Variants in HAO1 observed in about 807,000 individuals in gnomAD.
HAO1 encodes hydroxyacid oxidase 1.
Under a neutral mutation model 39.7 loss-of-function variants are expected in HAO1, and 34 were observed. That is an observed-to-expected ratio of 0.86 (90% CI 0.65 to 1.14). The LOEUF (loss-of-function observed/expected upper bound fraction) is 1.14, where lower values mean the gene tolerates loss of function less well. HAO1 is among the 50% of genes most tolerant of loss of function. The probability of loss-of-function intolerance (pLI) is 0.00; values close to 1 mark genes in which losing one functional copy is unlikely to be tolerated. For missense variants in HAO1, 479 were observed against 464.5 expected (o/e 1.03, Z -0.29); for synonymous variants, 172 against 173.2 (o/e 0.99, Z 0.05).
chr20:7,936,313 G>A (rs1197120531), intron 1 of HAO1, among the ~76,000 whole-genome samples: 2 of 152,114 alleles, frequency 1.3e-5, no homozygotes, highest in African/African-American at 4.8e-5. Context: ...CCATTTTGAA[G>A]GGGGAGAAGC....
At chr20:7,908,467 A>G (rs1312960646) in intron 3 of HAO1, among the ~76,000 whole-genome samples, 3 of 152,006 alleles carry the variant, frequency 2.0e-5, no homozygotes, top group Admixed American at 6.6e-5. Flanking sequence ...TTTAACAATC[A>G]TGACTTCCTT....
chr20:7,908,250 G>A lies in HAO1; in HGVS notation c.546-1921C>T, dbSNP rs561133155. On this transcript the variant is annotated intron_variant, in intron 3 of 7. Transcript: ENST00000378789. Reference sequence around the variant, plus strand: ...ACTAAAAATTCAAAAAAATTAGCCGGACATAGTGGTGGGCACGTGTAATCT... The same window carrying A: ...ACTAAAAATTCAAAAAAATTAGCCGAACATAGTGGTGGGCACGTGTAATCT... Among the ~76,000 whole-genome samples the A allele has an allele frequency of 2.6e-5, 4 of 152,094 alleles. No individual in the cohort carries two copies. In the South Asian group the frequency reaches 8.3e-4, roughly 32 times the overall value.
chr20:7,929,200 C>A (rs150543343), intron 2 of HAO1, among the ~76,000 whole-genome samples: 1,987 of 151,958 alleles, frequency 0.013, 39 homozygotes, highest in African/African-American at 0.043. Flanking sequence ...AAATATTTTT[C>A]ACAAAGAAAA....
intron 3 of HAO1, among the ~76,000 whole-genome samples, chr20:7,910,631 T>G (rs1242355407): frequency 1.3e-5 from 2 of 152,124 alleles, no homozygotes; most frequent in Non-Finnish European, 2.9e-5. Flanking sequence ...TGCTTCCCTC[T>G]TATAAGGACC....
chr20:7,901,585 A>C (rs1246004171), intron 4 of HAO1, among the ~76,000 whole-genome samples: 1 of 152,192 alleles, frequency 6.6e-6, no homozygotes, highest in Non-Finnish European at 1.5e-5. Flanking sequence ...GCACCTAGTG[A>C]CTCAAGAGCT....
chr20:7,885,429 A>G, intron 7 of HAO1, 92 bp downstream of exon 7: 1 of 831,838 alleles, frequency 1.2e-6, no homozygotes, highest in Admixed American at 1.9e-5. Context: ...ATGATCCCAC[A>G]CTCTTCCCTT....
At chr20:7,892,687 T>C (rs2050179695) in intron 5 of HAO1, among the ~76,000 whole-genome samples, 1 of 152,106 alleles carries the variant, frequency 6.6e-6, no homozygotes, top group South Asian at 2.1e-4. Flanking sequence ...AGGGAAAATA[T>C]TTATATAAGA....
intron 2 of HAO1, among the ~76,000 whole-genome samples, chr20:7,929,164 A>G (rs1294423475): frequency 2.0e-5 from 3 of 151,960 alleles, no homozygotes; most frequent in Non-Finnish European, 2.9e-5. Flanking sequence ...TTTTTCCCTG[A>G]GGTTTCTGCA....
intron 2 of HAO1, among the ~76,000 whole-genome samples, chr20:7,921,534 G>C (rs576191135): frequency 2.2e-4 from 33 of 152,146 alleles, no homozygotes; most frequent in African/African-American, 7.9e-4. Flanking sequence ...CCACTATAGA[G>C]AGCAGTTTGG....
rs551647310 is a variant in HAO1 at position 7,913,173 on chromosome 20, T to G, written c.545+991A>C. On this transcript the variant is annotated intron_variant, in intron 3 of 7. Coordinates refer to ENST00000378789, the MANE Select transcript of HAO1 (RefSeq NM_017545.3). ...ATTTTGCTAGCCCTAGTTTTTTGTT[T>G]TTTTTTTTTTTTCCAAATACAATTC... is the stretch of plus-strand genomic sequence containing the variant. Among the ~76,000 whole-genome samples, 56 of 150,976 alleles carry G rather than the reference T, an allele frequency of 3.7e-4. No individual in the cohort carries two copies. The South Asian group carries it at 8.6e-3, about 23-fold the overall frequency.
At position 7,903,784 on chromosome 20, in the gene HAO1, G is replaced by A. The variant is rs145902486; in HGVS notation, c.721+2370C>T. 4.9e-3 allele frequency among the ~76,000 whole-genome samples: 736 copies of A among 149,914 alleles called. 5 individuals are homozygous for A. Among genetic ancestry groups the A allele is most frequent in the African/African-American group, 0.017 (695 of 40,554 alleles). On this transcript the variant is annotated intron_variant, in intron 4 of 7. Transcript: ENST00000378789. The stretch of plus-strand genomic sequence containing the variant: ...GGGAGTGGTGATAATGGTGATGGGA[G>A]TGGTGATGGTGATAGCAGTGGTGGT...
chr20:7,937,886 AAT>A (rs2122805023), intron 1 of HAO1, among the ~76,000 whole-genome samples: 1 of 152,256 alleles, frequency 6.6e-6, no homozygotes, highest in African/African-American at 2.4e-5. Context: ...CTGCCACAGT[AAT>A]ATTAGTCTGA....
chr20:7,895,010 G>T, intron 5 of HAO1, 123 bp downstream of exon 5: 1 of 674,976 alleles, frequency 1.5e-6, no homozygotes, highest in South Asian at 1.9e-5. Flanking sequence ...TCACATATTT[G>T]CACGTATTTC....
rs190949149 is a variant in HAO1, at chr20:7,896,428, A to G, written c.722-1204T>C. On this transcript the variant is annotated intron_variant, in intron 4 of 7. Transcript: ENST00000378789. ...ATGGAGATAATGGGCAGACTTGACTAAGAATAATTTTAAAAGACAAGATAA... is the reference window on the plus strand; with the variant it reads ...ATGGAGATAATGGGCAGACTTGACTGAGAATAATTTTAAAAGACAAGATAA... Among the ~76,000 whole-genome samples the G allele has an allele frequency of 4.4e-4, 67 of 152,308 alleles. No homozygotes were observed. The East Asian group carries it at 0.012, about 26-fold the overall frequency.
At chr20:7,886,959 C>T (rs1388523575) in intron 5 of HAO1, among the ~76,000 whole-genome samples, 1 of 152,174 alleles carries the variant, frequency 6.6e-6, no homozygotes, top group Non-Finnish European at 1.5e-5. Context: ...ATTCAGGAAG[C>T]AGAGCTAGCA....
chr20:7,914,977 G>T (rs746216248), intron 2 of HAO1, among the ~76,000 whole-genome samples: 1 of 152,176 alleles, frequency 6.6e-6, no homozygotes. Flanking sequence ...AAAATTAACC[G>T]GGCGTGGTCA....
chr20:7,934,986 TC>T (rs1417367301), intron 1 of HAO1, among the ~76,000 whole-genome samples: 1 of 152,084 alleles, frequency 6.6e-6, no homozygotes, highest in Non-Finnish European at 1.5e-5. Context: ...CCCAAAAAAG[TC>T]CCCATTTTCT....
intron 3 of HAO1, among the ~76,000 whole-genome samples, chr20:7,908,535 T>G (rs1480193011): frequency 6.6e-6 from 1 of 152,204 alleles, no homozygotes; most frequent in Non-Finnish European, 1.5e-5. Context: ...CAGCTGGTTA[T>G]GTAGCTTAGG....
intron 3 of HAO1, among the ~76,000 whole-genome samples, chr20:7,906,550 ATC>A (rs2050249202): frequency 6.6e-6 from 1 of 152,158 alleles, no homozygotes; most frequent in African/African-American, 2.4e-5. Context: ...TTTATTTTAC[ATC>A]TTAGGCTGTG....
Sources: allele counts gnomAD v4.1 joint callset (sites outside exome capture counted in the v4.1 genomes callset), GRCh38; gene constraint gnomAD v4.1.1; transcripts MANE v1.5; gene names NCBI Gene and HGNC (gene_info 2026-07-23, HGNC 2026-07-21).